The following PCLO variants were observed in gnomAD, a reference collection of about 807,000 sequenced individuals.
PCLO encodes piccolo presynaptic cytomatrix protein, also known as protein piccolo.
A neutral mutation model predicts 427.5 loss-of-function variants in PCLO; 82 were observed. That is an observed-to-expected ratio of 0.19 (90% CI 0.16 to 0.23). The LOEUF (loss-of-function observed/expected upper bound fraction) is 0.23, where lower values mean the gene tolerates loss of function less well. Ranked by LOEUF, PCLO falls within the 10% of genes least tolerant of loss-of-function variation. The pLI, the probability that PCLO is intolerant of heterozygous loss-of-function variation, is 1.00. For missense variants in PCLO, 6,239 were observed against 6,115.9 expected (o/e 1.02, Z -0.67); for synonymous variants, 2,357 against 2,155.4 (o/e 1.09, Z -2.59).
At chr7:83,138,810 C>T (rs1030574018) in intron 2 of PCLO, among the ~76,000 whole-genome samples, 3 of 150,800 alleles carry the variant, frequency 2.0e-5, no homozygotes, top group African/African-American at 7.3e-5. Context: ...GAGAACATCA[C>T]ACACTGGGGC....
intron 22 of PCLO, 49 bp downstream of exon 22, chr7:82,801,469 T>C (rs1321741564): frequency 2.2e-6 from 2 of 927,132 alleles, no homozygotes; most frequent in Non-Finnish European, 3.6e-6. Flanking sequence ...ACACTTATAC[T>C]GTAGAATGCA....
At chr7:82,989,399 A>G (rs1796325487) in intron 3 of PCLO, among the ~76,000 whole-genome samples, 1 of 152,108 alleles carries the variant, frequency 6.6e-6, no homozygotes, top group Non-Finnish European at 1.5e-5. Context: ...ATCAAAATCT[A>G]TTTTAAAATA....
intron 10 of PCLO, among the ~76,000 whole-genome samples, chr7:82,849,470 T>C (rs1437564119): frequency 1.3e-5 from 2 of 152,168 alleles, no homozygotes; most frequent in African/African-American, 4.8e-5. Context: ...GCTTGTTGCC[T>C]ACAGTGAGAC....
At chr7:83,157,938 T>G (rs1792340938) in intron 1 of PCLO, among the ~76,000 whole-genome samples, 1 of 152,096 alleles carries the variant, frequency 6.6e-6, no homozygotes, top group African/African-American at 2.4e-5. Flanking sequence ...AATATTTTAT[T>G]TCATATTCAA....
At chr7:83,057,802 A>G (rs988793589) in intron 3 of PCLO, among the ~76,000 whole-genome samples, 1 of 152,174 alleles carries the variant, frequency 6.6e-6, no homozygotes, top group Non-Finnish European at 1.5e-5. Context: ...TACATTTTGC[A>G]TATTTTATGC....
chr7:82,915,378 A>T lies in PCLO; in HGVS notation c.12608T>A (p.Phe4203Tyr), dbSNP rs1379507225. 1.9e-6 allele frequency: 3 copies of T among 1,613,460 alleles called. No individual in the cohort carries two copies. Among genetic ancestry groups the T allele is most frequent in the Non-Finnish European group, 2.5e-6 (3 of 1,179,688 alleles). The change falls in exon 7 of 25, where the codon TTT becomes TAT. Residue 4203 changes from phenylalanine (F) to tyrosine (Y), a missense_variant. Coordinates refer to ENST00000333891, the MANE Select transcript of PCLO (RefSeq NM_033026.6). The part of the protein sequence containing the change: ...KSLIDPKMSK[F>Y]SPIQESRDLE... ...GTCTCTACTTTCTTGAATAGGTGAA[A>T]ATTTTGACATTTTAGGGTCAATTAG... is the stretch of plus-strand genomic sequence containing the variant.
At position 82,856,996 on chromosome 7, in the gene PCLO, T is replaced by C. The variant is rs566033764; in HGVS notation, c.13655-9749A>G. 2.6e-5 allele frequency among the ~76,000 whole-genome samples: 4 copies of C among 152,282 alleles called. No individual in the cohort carries two copies. The South Asian group carries it at 8.3e-4, about 32-fold the overall frequency. ...TGATTTCCTTACTCTCTCTGTGTTG[T>C]ATGCTTACTTGAAAGAGCATGCCTC... On this transcript the variant is annotated intron_variant, in intron 10 of 24. Coordinates refer to ENST00000333891, the MANE Select transcript of PCLO (RefSeq NM_033026.6).
chr7:83,066,416 T>C (rs746270576), intron 3 of PCLO, among the ~76,000 whole-genome samples: 24 of 152,068 alleles, frequency 1.6e-4, no homozygotes, highest in Non-Finnish European at 1.6e-4. Flanking sequence ...TATGTGCTCA[T>C]AGAAGAAACC....
At chr7:83,147,055 T>C (rs1040377107) in intron 2 of PCLO, among the ~76,000 whole-genome samples, 6 of 144,438 alleles carry the variant, frequency 4.2e-5, no homozygotes, top group Non-Finnish European at 9.0e-5. Context: ...AAGCTGAAGG[T>C]ATAAAAAAAA....
chr7:82,923,583 C>T (rs1306612296), intron 6 of PCLO, among the ~76,000 whole-genome samples: 1 of 152,048 alleles, frequency 6.6e-6, no homozygotes, highest in Non-Finnish European at 1.5e-5. Flanking sequence ...TGTTAGGTAG[C>T]AATCAGTGTG....
chr7:82,986,622 A>T (rs937319825), intron 3 of PCLO, among the ~76,000 whole-genome samples: 1 of 151,972 alleles, frequency 6.6e-6, no homozygotes. Context: ...CAGATGCACA[A>T]GATGCTGAAT....
At chr7:83,044,269 C>G (rs942247210) in intron 3 of PCLO, among the ~76,000 whole-genome samples, 3 of 152,150 alleles carry the variant, frequency 2.0e-5, no homozygotes, top group African/African-American at 7.2e-5. Context: ...TCCCTCCACA[C>G]ATGGCGATTA....
rs200539097 is a variant in PCLO at position 82,966,422 on chromosome 7, T to C, written c.3366A>G (p.Ile1122Met). The C allele has an allele frequency of 8.1e-6, 13 of 1,613,268 alleles. No individual in the cohort carries two copies. The Admixed American group carries it at 2.0e-4, about 25-fold the overall frequency. ...QRAISGQLGD[I>M]RKMPPAPSGP... ...CTGATGGTGCAGGTGGCATTTTGCG[T>C]ATGTCTCCAAGCTGTCCTGATATTG... The change falls in exon 4 of 25, where the codon ATA becomes ATG. Residue 1122 changes from isoleucine to methionine, a missense_variant. Coordinates refer to ENST00000333891, the MANE Select transcript of PCLO (RefSeq NM_033026.6).
intron 3 of PCLO, among the ~76,000 whole-genome samples, chr7:83,034,640 A>T (rs1035059049): frequency 6.6e-6 from 1 of 152,250 alleles, no homozygotes; most frequent in Non-Finnish European, 1.5e-5. Flanking sequence ...TATTGGATGT[A>T]TCAATCTAAT....
intron 6 of PCLO, among the ~76,000 whole-genome samples, chr7:82,929,251 C>T (rs1794786743): frequency 6.6e-6 from 1 of 152,018 alleles, no homozygotes; most frequent in Non-Finnish European, 1.5e-5. Context: ...ATGTAGTAAG[C>T]ATTATTAACA....
At chr7:82,879,273 A>G in intron 10 of PCLO, 64 bp downstream of exon 10, 1 of 1,371,308 alleles carries the variant, frequency 7.3e-7, no homozygotes. Flanking sequence ...TTTGCATATT[A>G]AATTAAAATG....
At chr7:82,826,854 C>CTAG (rs1301975278) in intron 17 of PCLO, among the ~76,000 whole-genome samples, 194 bp from the exon 18 acceptor site, 1 of 151,844 alleles carries the variant, frequency 6.6e-6, no homozygotes, top group East Asian at 1.9e-4. Flanking sequence ...GCACTCTAAA[C>CTAG]TAGTGTTTGA....
Position 83,155,333 on chromosome 7 carries a change from A to T in PCLO, c.1308T>A (p.Pro436=), listed in dbSNP as rs749586010. The change falls in exon 2 of 25, where the codon CCT becomes CCA. Residue 436 remains proline, a synonymous_variant. Coordinates refer to ENST00000333891, the MANE Select transcript of PCLO (RefSeq NM_033026.6). ...CAGGCTGCTGAACTGGAGTCTTTGT[A>T]GGCCCAGGTGCCTTAGCTGGAGACT... ...GLQSPAKAPG[P]TKTPVQQPGP... 3.6e-5 allele frequency: 58 copies of T among 1,613,082 alleles called. No homozygotes were observed. Among genetic ancestry groups the T allele is most frequent in the Non-Finnish European group, 4.6e-5 (54 of 1,179,730 alleles).
intron 3 of PCLO, among the ~76,000 whole-genome samples, chr7:83,093,185 C>G (rs2116447342): frequency 1.3e-5 from 2 of 151,542 alleles, no homozygotes; most frequent in Admixed American, 1.3e-4. Flanking sequence ...GACAAAAATT[C>G]AAATTATCAG....
Sources: gnomAD v4.1 joint callset for allele counts (sites outside exome capture counted in the v4.1 genomes callset) on GRCh38, gnomAD v4.1.1 for gene constraint, MANE v1.5 for transcripts, NCBI Gene and HGNC (gene_info 2026-07-23, HGNC 2026-07-21) for gene names.